The following PCDHGA8 variants were observed in gnomAD, a reference collection of about 807,000 sequenced individuals.
PCDHGA8 encodes the protein protocadherin gamma subfamily A, 8.
In PCDHGA8, 45 loss-of-function variants were observed where a neutral mutation model predicts 59.2. The observed-to-expected ratio is 0.76, with a 90% CI of 0.60 to 0.98. The LOEUF is 0.98. Ranked by LOEUF, PCDHGA8 falls within the 50% of genes least tolerant of loss-of-function variation. The pLI is 0.00. For missense variants in PCDHGA8, 1,257 were observed against 1,196.2 expected (o/e 1.05, Z -0.75); for synonymous variants, 531 against 519.0 (o/e 1.02, Z -0.32).
At chr5:141,404,773 C>T (rs753809742) in intron 1 of PCDHGA8, 1 of 1,613,856 alleles carries the variant, frequency 6.2e-7, no homozygotes, top group South Asian at 1.1e-5. Flanking sequence ...TCTCCTACCG[C>T]CTATTCAAGG....
intron 2 of PCDHGA8, among the ~76,000 whole-genome samples, chr5:141,503,595 G>T (rs6892628): frequency 0.52 from 72,995 of 139,870 alleles, 19,322 homozygotes; most frequent in African/African-American, 0.64. Flanking sequence ...CGAGACTCCA[G>T]CTCAAAAAAA....
In PCDHGA8 at chr5:141,415,024, G is replaced by A. The variant is rs1272655664; in HGVS notation, c.2424+19787G>A. On this transcript the variant is annotated intron_variant, in intron 1 of 3. Coordinates refer to ENST00000398604, the MANE Select transcript of PCDHGA8 (RefSeq NM_032088.2). ...GTCCTACCGTCTGCTCAAGGCCAGC[G>A]AGCCGGGACTCTTCGCGGTGGGGGA... 4.3e-6 allele frequency: 7 copies of A among 1,613,450 alleles called. 1 individual carries two copies. The highest frequency in any genetic ancestry group is 3.3e-5 in the Admixed American group (2 of 60,002).
At chr5:141,507,537 C>CA (rs140454890) in intron 3 of PCDHGA8, among the ~76,000 whole-genome samples, 3,617 of 152,286 alleles carry the variant, frequency 0.024, 53 homozygotes, top group East Asian at 0.043. Context: ...AGGCCAGAGA[C>CA]TGAGTATGAA....
Position 141,432,837 on chromosome 5 carries a change from T to C in PCDHGA8, c.2424+37600T>C. On this transcript the variant is annotated intron_variant, in intron 1 of 3. Transcript: ENST00000398604. This position sits in a 1 kb window ranked among gnomAD's most constrained non-coding sequence, Gnocchi z 6.0. ...GAAACCTCAGACCTCACTCTGTACC[T>C]GGTGGTAGCGGTGGCCGCGGTCTCC... The C allele has an allele frequency of 6.2e-7, 1 of 1,614,180 alleles. No individual in the cohort carries two copies. Among genetic ancestry groups the C allele is most frequent in the Non-Finnish European group, 8.5e-7 (1 of 1,180,004 alleles).
intron 1 of PCDHGA8, chr5:141,408,319 G>T: frequency 6.2e-7 from 1 of 1,613,896 alleles, no homozygotes; most frequent in Non-Finnish European, 8.5e-7. Context: ...CGATTCCGGA[G>T]GAGCTGGCCA....
At chr5:141,419,652 CG>C (rs767047378) in intron 1 of PCDHGA8, 3 of 1,612,590 alleles carry the variant, frequency 1.9e-6, no homozygotes, top group Non-Finnish European at 1.7e-6. Context: ...GACGCGGACT[CG>C]GGGCACAATG....
chr5:141,400,319 C>A lies in PCDHGA8; in HGVS notation c.2424+5082C>A, dbSNP rs762588918. ...TTCCAACCTGGTCTCTGTGTCAAGTCTGGACCTGTGGTTCCCCCCAACTAC... is the reference window on the plus strand; with the variant it reads ...TTCCAACCTGGTCTCTGTGTCAAGTATGGACCTGTGGTTCCCCCCAACTAC... On this transcript the variant is annotated intron_variant, in intron 1 of 3. Coordinates refer to ENST00000398604, the MANE Select transcript of PCDHGA8 (RefSeq NM_032088.2). The A allele has an allele frequency of 4.3e-6, 7 of 1,614,092 alleles. No individual in the cohort carries two copies. In the South Asian group the frequency reaches 7.7e-5, roughly 18 times the overall value.
intron 1 of PCDHGA8, chr5:141,400,401 G>T (rs760681088): frequency 3.1e-6 from 5 of 1,613,936 alleles, no homozygotes; most frequent in Non-Finnish European, 4.2e-6. Context: ...CAGGAAAGAC[G>T]GAGTTTAATT....
chr5:141,451,521 T>A (rs1164313767), intron 1 of PCDHGA8, among the ~76,000 whole-genome samples: 2 of 152,148 alleles, frequency 1.3e-5, no homozygotes, highest in African/African-American at 4.8e-5. Flanking sequence ...TTAGAGCAAG[T>A]AAAGGAGAGT....
rs759909698 is a variant in PCDHGA8 at position 141,394,094 on chromosome 5, A to C, written c.1281A>C (p.Leu427=). Residue 427 remains leucine, a synonymous_variant, in exon 1 of 4, where the codon CTA becomes CTC. Transcript: ENST00000398604. ...IYNITVMASD[L]GTPPLSTETQ... Reference sequence around the variant, plus strand: ...ATATCACAGTGATGGCCTCAGATCTAGGAACACCACCTCTGTCCACTGAAA... The same window carrying C: ...ATATCACAGTGATGGCCTCAGATCTCGGAACACCACCTCTGTCCACTGAAA... 5 of 1,613,934 alleles carry C rather than the reference A, an allele frequency of 3.1e-6. No homozygotes were observed. Among genetic ancestry groups the C allele is most frequent in the Non-Finnish European group, 3.4e-6 (4 of 1,179,852 alleles).
At position 141,392,979 on chromosome 5, in the gene PCDHGA8, C is replaced by A. The variant is rs1356713892; in HGVS notation, c.166C>A (p.Pro56Thr). 1.9e-6 allele frequency: 3 copies of A among 1,613,718 alleles called. No individual in the cohort carries two copies. In the South Asian group the frequency reaches 3.3e-5, roughly 18 times the overall value. ...GNISKDLGLD[P>T]RKLAKHGVRI... ...TATCTCCAAGGACCTGGGGCTGGACCCCCGGAAGCTGGCGAAGCACGGAGT... is the reference window on the plus strand; with the variant it reads ...TATCTCCAAGGACCTGGGGCTGGACACCCGGAAGCTGGCGAAGCACGGAGT... The change falls in exon 1 of 4, where the codon CCC becomes ACC. Residue 56 changes from proline to threonine, a missense_variant. Physicochemically the swap from Pro to Thr is conservative, Grantham distance 38. Transcript: ENST00000398604.
In PCDHGA8 at chr5:141,511,540, C is replaced by CTA; in HGVS notation, c.*367_*368insTA. ...ATCCCATGCCTCCCTCCTCCCCACC[C>CTA]CACTCCAACAGTTCCTCTTTCCCGA... On this transcript the variant is annotated 3_prime_UTR_variant, in exon 4 of 4. Transcript: ENST00000398604. 3.0e-6 allele frequency: 1 copy of CTA among 328,024 alleles called. No individual in the cohort carries two copies. Among genetic ancestry groups the CTA allele is most frequent in the South Asian group, 3.2e-5 (1 of 31,610 alleles). 20.3% of individuals were successfully genotyped at this position (328,024 alleles called of 1,614,324 possible). A position where few individuals can be genotyped will look rare whatever the true frequency, so the allele number is the denominator to read the frequency against.
intron 1 of PCDHGA8, chr5:141,418,567 T>C: frequency 6.2e-7 from 1 of 1,614,014 alleles, no homozygotes; most frequent in Non-Finnish European, 8.5e-7. Flanking sequence ...TAGATGCCAA[T>C]GACAACCCCC....
chr5:141,430,832 G>A (rs1398773861), intron 1 of PCDHGA8: 1 of 1,555,686 alleles, frequency 6.4e-7, no homozygotes, highest in South Asian at 1.3e-5. Flanking sequence ...GACTCTGTGG[G>A]AGACCGGATG....
chr5:141,399,465 G>T, intron 1 of PCDHGA8: 1 of 1,614,014 alleles, frequency 6.2e-7, no homozygotes, highest in Non-Finnish European at 8.5e-7. Context: ...ATAACGCTCC[G>T]GTTTTCCACC....
At chr5:141,419,543 G>T (rs573594140) in intron 1 of PCDHGA8, 1 of 1,612,106 alleles carries the variant, frequency 6.2e-7, no homozygotes, top group East Asian at 2.2e-5. Flanking sequence ...CGCACCGCGG[G>T]TGCTGTACCC....
intron 1 of PCDHGA8, chr5:141,418,797 A>T (rs201246978): frequency 1.9e-6 from 3 of 1,613,896 alleles, no homozygotes; most frequent in Non-Finnish European, 2.5e-6. Flanking sequence ...GAAGAAGTAG[A>T]AAGATATACG....
intron 1 of PCDHGA8, chr5:141,418,551 T>A (rs766987131): frequency 1.2e-6 from 2 of 1,614,026 alleles, no homozygotes; most frequent in South Asian, 2.2e-5. Context: ...ATAAGAATCC[T>A]GGTAATAGAT....
chr5:141,472,542 G>GA (rs904556404), intron 1 of PCDHGA8, among the ~76,000 whole-genome samples: 21 of 147,124 alleles, frequency 1.4e-4, no homozygotes, highest in Admixed American at 7.4e-4. Flanking sequence ...ACCATCTCAA[G>GA]AAAAAAAAAA....
Sources: gnomAD v4.1 joint callset for allele counts (sites outside exome capture counted in the v4.1 genomes callset) on GRCh38, gnomAD v4.1.1 for gene constraint, Gnocchi (gnomAD v3.1) non-coding constraint, MANE v1.5 for transcripts, NCBI Gene and HGNC (gene_info 2026-07-23, HGNC 2026-07-21) for gene names.